EFCAB5: variants seen among roughly 807,000 people sequenced by gnomAD.
EFCAB5 encodes the protein EF-hand calcium-binding domain-containing protein 5.
EFCAB5 carries 131 observed loss-of-function variants against 167.9 expected under a neutral mutation model. The observed-to-expected ratio is 0.78, with a 90% CI of 0.68 to 0.90. The LOEUF (loss-of-function observed/expected upper bound fraction) is 0.90. Ranked by LOEUF, EFCAB5 falls within the 40% of genes least tolerant of loss-of-function variation. The pLI is 0.00. For missense variants in EFCAB5, 1,663 were observed against 1,745.2 expected (o/e 0.95, Z 0.84); for synonymous variants, 574 against 602.8 (o/e 0.95, Z 0.70).
rs1201364382 is a variant in EFCAB5 at position 30,034,865 on chromosome 17, A to C, written c.1200+480A>C. ...TTAACAATGTTTATAAGATAATTACAAACAAGTGCTAAGAAGCACAGAAAT... is the reference window on the plus strand; with the variant it reads ...TTAACAATGTTTATAAGATAATTACCAACAAGTGCTAAGAAGCACAGAAAT... On this transcript the variant is annotated intron_variant, in intron 8 of 22. Coordinates refer to ENST00000394835, the MANE Select transcript of EFCAB5 (RefSeq NM_198529.4). Among the ~76,000 whole-genome samples the C allele has an allele frequency of 2.0e-5, 3 of 152,226 alleles. No homozygotes were observed. The East Asian group carries it at 5.8e-4, about 29-fold the overall frequency.
At chr17:29,932,449 CTT>C (rs35262851) in intron 1 of EFCAB5, among the ~76,000 whole-genome samples, 12 of 66,740 alleles carry the variant, frequency 1.8e-4, no homozygotes, top group African/African-American at 5.9e-4. Context: ...CTGTGCCCGG[CTT>C]TTTTTTTTTT....
chr17:30,103,973 T>C (rs1166556237), intron 22 of EFCAB5, among the ~76,000 whole-genome samples: 5 of 152,144 alleles, frequency 3.3e-5, no homozygotes. Context: ...ATCACGCCAT[T>C]GCACTCCAGG....
intron 7 of EFCAB5, among the ~76,000 whole-genome samples, chr17:30,033,829 A>G (rs1330422738): frequency 6.6e-6 from 1 of 152,384 alleles, no homozygotes; most frequent in East Asian, 1.9e-4. Flanking sequence ...AAATGCAGCC[A>G]GTCTTGCAAT....
At chr17:30,055,762 A>T in intron 10 of EFCAB5, 126 bp from the exon 11 acceptor site, 3 of 918,580 alleles carry the variant, frequency 3.3e-6, no homozygotes, top group Non-Finnish European at 4.9e-6. Context: ...AACACTGCAT[A>T]TATGGGAAAG....
At chr17:30,082,706 C>T (rs1051118205) in intron 17 of EFCAB5, among the ~76,000 whole-genome samples, 185 bp from the exon 18 acceptor site, 2 of 152,080 alleles carry the variant, frequency 1.3e-5, no homozygotes, top group Non-Finnish European at 2.9e-5. Context: ...ACTTTGATTT[C>T]TTGATGATCC....
rs770337519 is a variant in EFCAB5 at position 30,090,609 on chromosome 17, T to G, written c.3872T>G (p.Val1291Gly). ...YKDLQKMMKV[V>G]QVACYEILGE... ...GATCTACAGAAAATGATGAAAGTGG[T>G]CCAAGTGGCCTGCTATGAAATACTT... The change falls in exon 20 of 23, where the codon GTC (valine) becomes GGC (glycine). Residue 1291 changes from valine to glycine, a missense_variant. By Grantham distance (109) the Val-to-Gly change is moderately radical. Transcript: ENST00000394835. 6.2e-7 allele frequency: 1 copy of G among 1,613,778 alleles called. No homozygotes were observed. The highest frequency in any genetic ancestry group is 8.5e-7 in the Non-Finnish European group (1 of 1,179,892).
intron 4 of EFCAB5, among the ~76,000 whole-genome samples, chr17:29,976,207 G>A (rs2068060323): frequency 6.6e-6 from 1 of 152,098 alleles, no homozygotes; most frequent in Non-Finnish European, 1.5e-5. Context: ...ATTTATTAAT[G>A]TCTATAATAA....
chr17:30,093,827 T>A (rs948865031), intron 22 of EFCAB5, among the ~76,000 whole-genome samples: 1 of 152,142 alleles, frequency 6.6e-6, no homozygotes, highest in African/African-American at 2.4e-5. Context: ...AGTTCGTAGG[T>A]CACCCAGATA....
chr17:30,049,834 C>T (rs2070036144), intron 8 of EFCAB5, among the ~76,000 whole-genome samples: 1 of 152,172 alleles, frequency 6.6e-6, no homozygotes, highest in Non-Finnish European at 1.5e-5. Flanking sequence ...GAAATGCATA[C>T]ATTATGCAAT....
intron 6 of EFCAB5, among the ~76,000 whole-genome samples, chr17:29,997,479 C>A (rs1028786707): frequency 6.6e-6 from 1 of 151,642 alleles, no homozygotes; most frequent in Non-Finnish European, 1.5e-5. Flanking sequence ...CCCAGAAATG[C>A]AGACTGACAC....
chr17:29,980,668 A>G (rs1187594774), intron 4 of EFCAB5, among the ~76,000 whole-genome samples: 2 of 152,148 alleles, frequency 1.3e-5, no homozygotes, highest in Non-Finnish European at 2.9e-5. Flanking sequence ...TTCAAATATT[A>G]AAGTTCTTTA....
Position 30,051,133 on chromosome 17 carries a change from C to A in EFCAB5, c.1216C>A (p.Arg406=), listed in dbSNP as rs747901082. The change falls in exon 9 of 23, where the codon CGG becomes AGG. Residue 406 remains arginine, a synonymous_variant. Coordinates refer to ENST00000394835, the MANE Select transcript of EFCAB5 (RefSeq NM_198529.4). ...CDHGKVGFLD[R]QRTLALLELF... is the part of the protein sequence containing the mutation. ...CTTTGCTTAGGTAGGGTTTTTGGAT[C>A]GGCAGAGGACATTGGCCCTGCTGGA... The A allele has an allele frequency of 9.3e-6, 15 of 1,613,664 alleles. No homozygotes were observed. The African/African-American group carries it at 1.1e-4, about 11-fold the overall frequency.
chr17:29,932,900 T>C (rs569585186), intron 1 of EFCAB5, among the ~76,000 whole-genome samples: 26 of 152,362 alleles, frequency 1.7e-4, no homozygotes, highest in African/African-American at 6.0e-4. Context: ...AAAATTCACA[T>C]TGTTTGTATC....
At position 29,969,171 on chromosome 17, in the gene EFCAB5, AC is replaced by A; in HGVS notation, c.572del (p.Thr191IlefsTer3). ...AGTTCCTGGAGTAGAAAACATGTTA[AC>A]TCAAGTAGAAAAGAAGAAGGTTTTG... ...TLVPGVENML[T>X]QVEKKKVLTE... On this transcript the variant is annotated frameshift_variant, in exon 4 of 23. Coordinates refer to ENST00000394835, the MANE Select transcript of EFCAB5 (RefSeq NM_198529.4). LOFTEE classifies it high-confidence loss of function. 6.2e-7 allele frequency: 1 copy of A among 1,613,654 alleles called. No homozygotes were observed. The highest frequency in any genetic ancestry group is 1.3e-5 in the African/African-American group (1 of 74,838).
At chr17:29,941,925 T>A in intron 1 of EFCAB5, 87 bp downstream of exon 1, 1 of 1,271,784 alleles carries the variant, frequency 7.9e-7, no homozygotes, top group Non-Finnish European at 1.1e-6. Context: ...TATCACAGTC[T>A]ATCATTTAAT....
chr17:29,958,430 C>T (rs1311456440), intron 3 of EFCAB5, among the ~76,000 whole-genome samples: 1 of 152,140 alleles, frequency 6.6e-6, no homozygotes, highest in East Asian at 1.9e-4. Flanking sequence ...GAGGGAACAT[C>T]ATACATTCTT....
At chr17:30,007,230 A>C (rs906741611) in intron 7 of EFCAB5, among the ~76,000 whole-genome samples, 2 of 152,182 alleles carry the variant, frequency 1.3e-5, no homozygotes, top group African/African-American at 4.8e-5. Context: ...CAAGCAGTGG[A>C]TAAATTAGAA....
intron 1 of EFCAB5, among the ~76,000 whole-genome samples, chr17:29,933,668 A>G (rs540067525): frequency 4.6e-4 from 70 of 152,178 alleles, no homozygotes; most frequent in Non-Finnish European, 7.3e-4. Flanking sequence ...ACTTGTATCA[A>G]TACTTCTTCC....
intron 7 of EFCAB5, among the ~76,000 whole-genome samples, chr17:30,011,372 C>T (rs1317708552): frequency 2.6e-5 from 4 of 151,976 alleles, no homozygotes; most frequent in South Asian, 2.1e-4. Flanking sequence ...GGGGATGGCA[C>T]TGAATCTATA....
Sources: gnomAD v4.1 joint callset for allele counts (sites outside exome capture counted in the v4.1 genomes callset) on GRCh38, gnomAD v4.1.1 for gene constraint, MANE v1.5 for transcripts, NCBI Gene and HGNC (gene_info 2026-07-23, HGNC 2026-07-21) for gene names.